Variants in SLC29A1 observed in about 807,000 individuals in gnomAD.
SLC29A1 encodes the protein solute carrier family 29 member 1 (Augustine blood group).
In SLC29A1, 22 loss-of-function variants were observed where a neutral mutation model predicts 48.3. The ratio of observed to expected loss-of-function variants is 0.46; its 90% confidence interval spans 0.33 to 0.65. The LOEUF (loss-of-function observed/expected upper bound fraction) is 0.65. SLC29A1 is among the 30% of genes least tolerant of loss of function. SLC29A1 has a pLI of 0.03. For missense variants in SLC29A1, 491 were observed against 575.3 expected, an observed-to-expected ratio of 0.85 and a Z score of 1.50; for synonymous variants, 228 against 231.0, an observed-to-expected ratio of 0.99 and a Z score of 0.12.
At chr6:44,222,994 T>C (rs1236560200), upstream of SLC29A1, among the ~76,000 whole-genome samples, 2 of 152,100 alleles carry the variant, frequency 1.3e-5, no homozygotes, top group Non-Finnish European at 2.9e-5. Flanking sequence ...TGTTTGCGCG[T>C]CTGTGGCTGG....
chr6:44,231,499 C>T (rs1229006738), intron 9 of SLC29A1, 38 bp downstream of exon 9: 1 of 1,318,480 alleles, frequency 7.6e-7, no homozygotes, highest in East Asian at 2.4e-5. Context: ...TACCCCTTGT[C>T]CTCTTTCTCT....
At position 44,230,426 on chromosome 6, in the gene SLC29A1, T is replaced by C; in HGVS notation, c.534T>C (p.Ser178=). 4.3e-6 allele frequency: 7 copies of C among 1,614,042 alleles called. No individual in the cohort carries two copies. Among genetic ancestry groups the C allele is most frequent in the Non-Finnish European group, 5.1e-6 (6 of 1,179,982 alleles). Residue 178 remains serine (S), a synonymous_variant, in exon 6 of 13, where the codon AGT becomes AGC. Coordinates refer to ENST00000371755, the MANE Select transcript of SLC29A1 (RefSeq NM_001372327.1). ...LPASYTAPIM[S]GQGLAGFFAS... is the part of the protein sequence containing the mutation. ...CCAGCTACACGGCCCCCATCATGAG[T>C]GGCCAGGGCCTAGCAGGCTTCTTTG...
chr6:44,230,489 C>A lies in SLC29A1; in HGVS notation c.589+8C>A. On this transcript the variant is annotated splice_region_variant and intron_variant, in intron 6 of 12. Transcript: ENST00000371755. ...TGATCTGCGCTATTGCCAGTAAGTCCGGCTATCTACCTGCCCAGTGCCCTG... is the reference window on the plus strand; with the variant it reads ...TGATCTGCGCTATTGCCAGTAAGTCAGGCTATCTACCTGCCCAGTGCCCTG... 1.2e-6 allele frequency: 2 copies of A among 1,613,676 alleles called. No homozygotes were observed. The highest frequency in any genetic ancestry group is 1.7e-6 in the Non-Finnish European group (2 of 1,179,808).
intron 1 of SLC29A1, chr6:44,226,682 G>A (rs1777597853): frequency 1.0e-6 from 1 of 954,902 alleles, no homozygotes; most frequent in African/African-American, 1.8e-5. Context: ...TGAATCCAGG[G>A]GCTCCCCAGG....
chr6:44,231,461 T>A lies in SLC29A1; in HGVS notation c.864T>A (p.Asn288Lys). Reference sequence around the variant, plus strand: ...ACTCTATCAAAGCCATCCTGAAAAATGTACGTAGGGGAGGTTATCCTATCT... The same window carrying A: ...ACTCTATCAAAGCCATCCTGAAAAAAGTACGTAGGGGAGGTTATCCTATCT... The part of the protein sequence containing the change: ...ESHSIKAILK[N>K]ISVLAFSVCF... The change falls in exon 9 of 13, where the codon AAT (asparagine) becomes AAA (lysine). Residue 288 changes from asparagine (N) to lysine (K), a missense_variant and splice_region_variant. Transcript: ENST00000371755. 6.3e-7 allele frequency: 1 copy of A among 1,589,144 alleles called. No homozygotes were observed. Among genetic ancestry groups the A allele is most frequent in the Non-Finnish European group, 8.6e-7 (1 of 1,160,514 alleles).
In SLC29A1 at chr6:44,233,372, G is replaced by T. The variant is rs1321925125; in HGVS notation, c.1260-45G>T. 2.7e-6 allele frequency: 4 copies of T among 1,488,698 alleles called. No homozygotes were observed. In the East Asian group the frequency reaches 6.8e-5, roughly 25 times the overall value. 92.2% of individuals were successfully genotyped at this position (1,488,698 alleles called of 1,614,324 possible). ...CTTCCACCCAGAGGCTCTGGGCTGG[G>T]GTACAGCCATTCTGAGGTAGCCTTG... is the stretch of plus-strand genomic sequence containing the variant. On this transcript the variant is annotated intron_variant, in intron 12 of 12. Transcript: ENST00000371755.
upstream of SLC29A1, chr6:44,223,544 A>G (rs2128338015): frequency 8.5e-7 from 1 of 1,172,906 alleles, no homozygotes; most frequent in Non-Finnish European, 1.1e-6. This position sits in a 1 kb window ranked among gnomAD's most constrained non-coding sequence, Gnocchi z 5.0. Flanking sequence ...GGGCGGGGCG[A>G]GCTCAGCGGA....
chr6:44,230,534 T>TG, intron 6 of SLC29A1, 34 bp from the exon 7 acceptor site: 2 of 1,614,004 alleles, frequency 1.2e-6, no homozygotes, highest in Non-Finnish European at 1.7e-6. Context: ...GGAGAGGGGA[T>TG]GGGGCCTGTC....
In SLC29A1 at chr6:44,227,337, G is replaced by A. The variant is rs1217385099; in HGVS notation, c.24G>A (p.Gln8=). The A allele has an allele frequency of 1.9e-6, 3 of 1,613,622 alleles. No individual in the cohort carries two copies. The highest frequency in any genetic ancestry group is 2.2e-5 in the East Asian group (1 of 44,884). Reference sequence around the variant, plus strand: ...CCATGACAACCAGTCACCAGCCTCAGGACAGGTAAGGGGTAAGGGGCTGGG... The same window carrying A: ...CCATGACAACCAGTCACCAGCCTCAAGACAGGTAAGGGGTAAGGGGCTGGG... MTTSHQP[Q]DRYKAVWLIF... The change falls in exon 2 of 13, where the codon CAG becomes CAA. Residue 8 remains glutamine (Q), a synonymous_variant. Transcript: ENST00000371755.
chr6:44,226,740 G>A (rs1223225607), intron 1 of SLC29A1: 11 of 996,620 alleles, frequency 1.1e-5, no homozygotes, highest in Non-Finnish European at 1.3e-5. Flanking sequence ...GGAGCCTCTG[G>A]TTTGACCTCA....
chr6:44,232,800 C>A lies in SLC29A1; in HGVS notation c.1060-7C>A, dbSNP rs1200562242. The A allele has an allele frequency of 1.2e-6, 2 of 1,608,358 alleles. No homozygotes were observed. Among genetic ancestry groups the A allele is most frequent in the South Asian group, 2.2e-5 (2 of 91,004 alleles). ...GCCTGGGCTGAGGCCCTGCCTGGTG[C>A]CCACAGCCTGGGAAGGACAGCCGCT... On this transcript the variant is annotated splice_region_variant and splice_polypyrimidine_tract_variant and intron_variant, in intron 11 of 12. Transcript: ENST00000371755. This position sits in a 1 kb window ranked among gnomAD's most constrained non-coding sequence, Gnocchi z 4.7.
upstream of SLC29A1, among the ~76,000 whole-genome samples, chr6:44,222,722 C>T (rs1776595033): frequency 6.6e-6 from 1 of 152,200 alleles, no homozygotes; most frequent in East Asian, 1.9e-4. Context: ...CCACACCTTC[C>T]TCCTTAGCTA....
chr6:44,229,833 CTG>C lies in SLC29A1; in HGVS notation c.314+46_314+47del. 2 of 1,607,620 alleles carry C rather than the reference CTG, an allele frequency of 1.2e-6. No homozygotes were observed. The highest frequency in any genetic ancestry group is 1.7e-6 in the Non-Finnish European group (2 of 1,175,976). ...TCCCCAGCCCCCAGCCTGACCCTCA[CTG>C]TGTCCTGCACCCCCTTGGCTGAGCC... On this transcript the variant is annotated intron_variant, in intron 4 of 12. Transcript: ENST00000371755. The surrounding 1 kb of genome is among the most constrained non-coding windows in gnomAD (Gnocchi z 5.1).
intron 2 of SLC29A1, 78 bp downstream of exon 2, chr6:44,227,420 G>C: frequency 7.6e-7 from 1 of 1,322,806 alleles, no homozygotes; most frequent in Non-Finnish European, 1.1e-6. Context: ...TTGGAATTGG[G>C]GGTTGCCATT....
At position 44,229,317 on chromosome 6, in the gene SLC29A1, G is replaced by A; in HGVS notation, c.30-73G>A. 8.4e-7 allele frequency: 1 copy of A among 1,192,198 alleles called. No homozygotes were observed. The highest frequency in any genetic ancestry group is 1.3e-6 in the Non-Finnish European group (1 of 795,126). 73.9% of individuals were successfully genotyped at this position (1,192,198 alleles called of 1,614,324 possible). ...CTAGAGAGACTGACAACGGACAGGG[G>A]CTTTCCTGGGGCTCATTGTGGAGTG... On this transcript the variant is annotated intron_variant, in intron 2 of 12. Transcript: ENST00000371755. The surrounding 1 kb of genome is among the most constrained non-coding windows in gnomAD (Gnocchi z 5.1).
At chr6:44,233,338 C>A in intron 12 of SLC29A1, 79 bp from the exon 13 acceptor site, 2 of 1,233,114 alleles carry the variant, frequency 1.6e-6, no homozygotes, top group Non-Finnish European at 2.4e-6. Flanking sequence ...TTGCTCCACC[C>A]CACCCCTCCT....
At chr6:44,219,806 C>G, upstream of SLC29A1, 1 of 654,734 alleles carries the variant, frequency 1.5e-6, no homozygotes, top group Non-Finnish European at 2.3e-6. Flanking sequence ...GGCCGGGGGG[C>G]CTGGCGGGGC....
chr6:44,228,492 C>G (rs1328779417), intron 2 of SLC29A1, among the ~76,000 whole-genome samples: 1 of 152,254 alleles, frequency 6.6e-6, no homozygotes, highest in Non-Finnish European at 1.5e-5. Context: ...TGAGGCCTGC[C>G]AGCGGTCCAG....
At chr6:44,230,125 C>G in intron 5 of SLC29A1, 79 bp downstream of exon 5, 1 of 1,572,598 alleles carries the variant, frequency 6.4e-7, no homozygotes, top group Non-Finnish European at 8.7e-7. Flanking sequence ...CAGCGTTAGC[C>G]AGAGAGAAGC....
Sources: gnomAD v4.1 joint callset for allele counts (sites outside exome capture counted in the v4.1 genomes callset) on GRCh38, gnomAD v4.1.1 for gene constraint, Gnocchi (gnomAD v3.1) non-coding constraint, MANE v1.5 for transcripts, NCBI Gene and HGNC (gene_info 2026-07-23, HGNC 2026-07-21) for gene names.